The following PAQR8 variants were observed in gnomAD, a reference collection of about 807,000 sequenced individuals.
PAQR8 encodes the protein membrane progestin receptor beta.
Under a neutral mutation model 25.2 loss-of-function variants are expected in PAQR8, and 17 were observed. The ratio of observed to expected loss-of-function variants is 0.67; its 90% CI spans 0.46 to 1.01. PAQR8 has a LOEUF of 1.01. Among genes scored for constraint, PAQR8 ranks in the 50% least tolerant of loss-of-function variants. The pLI, the probability that PAQR8 is intolerant of heterozygous loss-of-function variation, is 0.00. For synonymous variants in PAQR8, 204 were observed against 190.6 expected, an observed-to-expected ratio of 1.07 and a Z score of -0.58; for missense variants, 392 against 448.4, an observed-to-expected ratio of 0.87 and a Z score of 1.14.
rs1763917879 is a variant in PAQR8 at position 52,406,949 on chromosome 6, AGAAATAAACTAG to A, written c.*2677_*2688del. The A allele has an allele frequency of 1.1e-5, 2 of 181,620 alleles. No homozygotes were observed. Among genetic ancestry groups the A allele is most frequent in the Admixed American group, 1.3e-4 (2 of 15,698 alleles). 11.3% of individuals were successfully genotyped at this position (181,620 alleles called of 1,614,324 possible). A position where few individuals can be genotyped will look rare whatever the true frequency, so the allele number is the denominator to read the frequency against. On this transcript the variant is annotated 3_prime_UTR_variant, in exon 2 of 2. Transcript: ENST00000442253. ...GCCCTCAGAATATCAGAATCTTCTT[AGAAATAAACTAG>A]GAAATGCAGATGTTTTTAACTACTC...
chr6:52,402,675 C>T (rs1453721021), intron 1 of PAQR8, among the ~76,000 whole-genome samples: 1 of 151,248 alleles, frequency 6.6e-6, no homozygotes, highest in Admixed American at 6.6e-5. Context: ...AGTAAGGGAT[C>T]TTGGTCCAAC....
At position 52,406,533 on chromosome 6, in the gene PAQR8, T is replaced by A; in HGVS notation, c.*2255T>A. ...GCCATACAATTTTAATTTATACAAG[T>A]ATTGGCCCCTCAAGTGGTTGGAAAT... On this transcript the variant is annotated 3_prime_UTR_variant, in exon 2 of 2. Transcript: ENST00000442253. The A allele has an allele frequency of 2.4e-6, 1 of 413,466 alleles. No individual in the cohort carries two copies. Among genetic ancestry groups the A allele is most frequent in the Non-Finnish European group, 4.4e-6 (1 of 226,128 alleles). 25.6% of individuals were successfully genotyped at this position (413,466 alleles called of 1,614,324 possible). A position where few individuals can be genotyped will look rare whatever the true frequency, so the allele number is the denominator to read the frequency against.
intron 1 of PAQR8, among the ~76,000 whole-genome samples, chr6:52,385,849 G>C (rs932450007): frequency 3.3e-5 from 5 of 152,154 alleles, no homozygotes; most frequent in African/African-American, 1.2e-4. Context: ...TCACACCACT[G>C]CTCTCCAGTC....
intron 1 of PAQR8, among the ~76,000 whole-genome samples, chr6:52,371,262 C>T (rs890529471): frequency 6.6e-6 from 1 of 152,156 alleles, no homozygotes; most frequent in African/African-American, 2.4e-5. Flanking sequence ...GAAGTCTTTG[C>T]TAATGGAGTT....
Position 52,403,800 on chromosome 6 carries a change from A to G in PAQR8, c.587A>G (p.Tyr196Cys). 3 of 1,614,106 alleles carry G rather than the reference A, an allele frequency of 1.9e-6. No individual in the cohort carries two copies. The highest frequency in any genetic ancestry group is 2.5e-6 in the Non-Finnish European group (3 of 1,180,022). ...CGWLSCAGCC[Y>C]AKYRYRRPYP... ...TGGTTATCTTGTGCTGGCTGTTGCT[A>G]TGCCAAATATCGTTACCGGAGGCCT... The change falls in exon 2 of 2, where the codon TAT becomes TGT. Residue 196 changes from tyrosine (Y) to cysteine (C), a missense_variant. Transcript: ENST00000442253.
intron 1 of PAQR8, among the ~76,000 whole-genome samples, chr6:52,376,542 A>G (rs1209020554): frequency 6.6e-6 from 1 of 152,228 alleles, no homozygotes; most frequent in Non-Finnish European, 1.5e-5. Context: ...AATATTGGAT[A>G]TGGGGTGAGG....
Position 52,404,173 on chromosome 6 carries a change from C to G in PAQR8, c.960C>G (p.Val320=). 6.2e-7 allele frequency: 1 copy of G among 1,614,114 alleles called. No homozygotes were observed. The highest frequency in any genetic ancestry group is 8.5e-7 in the Non-Finnish European group (1 of 1,179,986). The part of the protein sequence containing the change: ...IFLQRHGPLS[V]HMACLSFFFL... ...TGCAGCGCCATGGACCCCTATCTGT[C>G]CACATGGCCTGCCTCTCCTTCTTCT... Residue 320 remains valine (V), a synonymous_variant, in exon 2 of 2, where the codon GTC becomes GTG. Coordinates refer to ENST00000442253, the MANE Select transcript of PAQR8 (RefSeq NM_133367.5).
chr6:52,368,117 C>G (rs1763374394), intron 1 of PAQR8, among the ~76,000 whole-genome samples: 1 of 152,100 alleles, frequency 6.6e-6, no homozygotes, highest in Non-Finnish European at 1.5e-5. Context: ...GTAGTCCCAA[C>G]TACTTGGGAC....
intron 1 of PAQR8, among the ~76,000 whole-genome samples, chr6:52,386,748 C>T (rs193239903): frequency 2.4e-4 from 37 of 152,346 alleles, no homozygotes; most frequent in Non-Finnish European, 4.0e-4. Context: ...TGGACTCAGT[C>T]ATACCGCAAA....
At chr6:52,382,321 C>G (rs1886244) in intron 1 of PAQR8, among the ~76,000 whole-genome samples, 138,250 of 152,262 alleles carry the variant, frequency 0.91, 64,268 homozygotes, top group East Asian at 1. Flanking sequence ...CAGGTAAAGG[C>G]AACAACCTGG....
rs1187963292 is a variant in PAQR8, at chr6:52,362,439, T to C, written c.-53+190T>C. The C allele has an allele frequency of 6.6e-6, 1 of 152,516 alleles. No homozygotes were observed. The highest frequency in any genetic ancestry group is 2.4e-5 in the African/African-American group (1 of 41,446). The allele number at this position is 152,516 out of a possible 1,614,324, so 9.4% of individuals were successfully genotyped here. A position where few individuals can be genotyped will look rare whatever the true frequency, so the allele number is the denominator to read the frequency against. On this transcript the variant is annotated intron_variant, in intron 1 of 1. Transcript: ENST00000442253. This position sits in a 1 kb window ranked among gnomAD's most constrained non-coding sequence, Gnocchi z 4.1. ...GGAACCTGAGGCCAGGGGCCGGAGT[T>C]TAGGGCCCCGATGTTGAGTCTCCGA...
chr6:52,376,160 G>A (rs4712005), intron 1 of PAQR8, among the ~76,000 whole-genome samples: 46,356 of 152,094 alleles, frequency 0.3, 7,226 homozygotes, highest in Admixed American at 0.42. Flanking sequence ...AAGATAATGC[G>A]TATGAAGCAT....
intron 1 of PAQR8, among the ~76,000 whole-genome samples, chr6:52,377,397 T>C (rs1311581943): frequency 6.6e-6 from 1 of 152,200 alleles, no homozygotes; most frequent in African/African-American, 2.4e-5. Context: ...TCCAGCCCAC[T>C]TTGCCTCCAA....
At chr6:52,367,745 A>G (rs971893757) in intron 1 of PAQR8, among the ~76,000 whole-genome samples, 1 of 152,148 alleles carries the variant, frequency 6.6e-6, no homozygotes, top group Non-Finnish European at 1.5e-5. Flanking sequence ...AAAGATGAGG[A>G]TGGAGGAGCT....
In PAQR8 at chr6:52,389,159, G is replaced by A. The variant is rs148549127; in HGVS notation, c.-52-14003G>A. ...CAGCCAGCAATTTAAATATTGGTGCGGATACCTAGCAAGTGGATGAACCAC... is the reference window on the plus strand; with the variant it reads ...CAGCCAGCAATTTAAATATTGGTGCAGATACCTAGCAAGTGGATGAACCAC... On this transcript the variant is annotated intron_variant, in intron 1 of 1. Transcript: ENST00000442253. Among the ~76,000 whole-genome samples the A allele has an allele frequency of 3.9e-4, 59 of 152,258 alleles. 1 individual carries two copies. The highest frequency in any genetic ancestry group is 6.0e-4 in the Non-Finnish European group (41 of 68,020).
intron 1 of PAQR8, among the ~76,000 whole-genome samples, chr6:52,377,130 C>A (rs188074395): frequency 4.6e-5 from 7 of 152,190 alleles, no homozygotes; most frequent in African/African-American, 1.7e-4. Flanking sequence ...AATGTTAACT[C>A]GATGGTAAAC....
intron 1 of PAQR8, among the ~76,000 whole-genome samples, chr6:52,387,312 T>A (rs1763644547): frequency 6.6e-6 from 1 of 152,206 alleles, no homozygotes; most frequent in Non-Finnish European, 1.5e-5. Context: ...TACTTCCTTT[T>A]CATTCACAGC....
chr6:52,377,466 T>C (rs903498942), intron 1 of PAQR8, among the ~76,000 whole-genome samples: 1 of 152,202 alleles, frequency 6.6e-6, no homozygotes, highest in South Asian at 2.1e-4. Context: ...TTATGATTGA[T>C]GTACCTTGTT....
At chr6:52,394,116 CAG>C (rs765886768) in intron 1 of PAQR8, among the ~76,000 whole-genome samples, 3 of 152,116 alleles carry the variant, frequency 2.0e-5, no homozygotes, top group Non-Finnish European at 4.4e-5. Context: ...CAAATTCAGA[CAG>C]GGGCCAATGA....
Sources: allele counts gnomAD v4.1 joint callset (sites outside exome capture counted in the v4.1 genomes callset), GRCh38; gene constraint gnomAD v4.1.1; non-coding constraint Gnocchi (gnomAD v3.1); transcripts MANE v1.5; gene names NCBI Gene and HGNC (gene_info 2026-07-23, HGNC 2026-07-21).